The following OR8D1 variants were observed in gnomAD, a reference collection of about 807,000 sequenced individuals.
The protein encoded by OR8D1 is olfactory receptor 8D1.
For missense variants in OR8D1, 384 were observed against 366.8 expected, an observed-to-expected ratio of 1.05 and a Z score of -0.38; for synonymous variants, 143 against 147.0, an observed-to-expected ratio of 0.97 and a Z score of 0.20.
In OR8D1 at chr11:124,306,078, T is replaced by C. The variant is rs1862366793; in HGVS notation, c.*3762A>G. ...TTAACTCAATTCATTATTTTGTTAC[T>C]GTCAATATATTTATAGCTCTGCCTT... On this transcript the variant is annotated 3_prime_UTR_variant, in exon 3 of 3. Transcript: ENST00000641015. 1 of 151,920 alleles carries C rather than the reference T, an allele frequency of 6.6e-6. No homozygotes were observed. The highest frequency in any genetic ancestry group is 1.9e-4 in the East Asian group (1 of 5,180). 9.4% of individuals were successfully genotyped at this position (151,920 alleles called of 1,614,324 possible).
chr11:124,312,326 T>C (rs527336124), intron 1 of OR8D1, among the ~76,000 whole-genome samples: 307 of 152,180 alleles, frequency 2.0e-3, no homozygotes, highest in Non-Finnish European at 3.5e-3. Context: ...AATGTTTGTT[T>C]TCAGATTTGG....
chr11:124,307,859 G>A lies in OR8D1; in HGVS notation c.*1981C>T, dbSNP rs1862380775. ...TTGTTAAATGTATAAGTTCTGAGCA[G>A]GGCTACAAATACCCATCTTCTAAAT... On this transcript the variant is annotated 3_prime_UTR_variant, in exon 3 of 3. Transcript: ENST00000641015. 1 of 151,984 alleles carries A rather than the reference G, an allele frequency of 6.6e-6. No homozygotes were observed. Among genetic ancestry groups the A allele is most frequent in the African/African-American group, 2.4e-5 (1 of 41,390 alleles). 9.4% of individuals were successfully genotyped at this position (151,984 alleles called of 1,614,324 possible). A position where few individuals can be genotyped will look rare whatever the true frequency, so the allele number is the denominator to read the frequency against.
rs144278856 is a variant in OR8D1, at chr11:124,309,866, A to G, written c.901T>C (p.Leu301=). Residue 301 remains leucine (L), a synonymous_variant, in exon 3 of 3, where the codon TTA becomes CTA. Transcript: ENST00000641015. ...SLRNKDVKKA[L]RKVLVGK ...CATTTTCCTACTAAGACCTTCCTTA[A>G]TGCTTTCTTCACATCCTTATTCCTC... 15 of 1,474,252 alleles carry G rather than the reference A, an allele frequency of 1.0e-5. No homozygotes were observed. The African/African-American group carries it at 1.8e-4, about 18-fold the overall frequency. 91.3% of individuals were successfully genotyped at this position (1,474,252 alleles called of 1,614,324 possible). A position where few individuals can be genotyped will look rare whatever the true frequency, so the allele number is the denominator to read the frequency against.
rs981027589 is a variant in OR8D1, at chr11:124,305,358, C to T, written c.*4482G>A. On this transcript the variant is annotated 3_prime_UTR_variant, in exon 3 of 3. Coordinates refer to ENST00000641015, the MANE Select transcript of OR8D1 (RefSeq NM_001002917.2). Reference sequence around the variant, plus strand: ...TGTATGGCCTTATAAACACAAAATTCTTGGAAATGCTAATAATCTACAATG... The same window carrying T: ...TGTATGGCCTTATAAACACAAAATTTTTGGAAATGCTAATAATCTACAATG... 2 of 151,602 alleles carry T rather than the reference C, an allele frequency of 1.3e-5. No homozygotes were observed. The highest frequency in any genetic ancestry group is 6.6e-5 in the Admixed American group (1 of 15,172). The allele number at this position is 151,602 out of a possible 1,614,324, so 9.4% of individuals were successfully genotyped here.
chr11:124,309,972 A>C lies in OR8D1; in HGVS notation c.795T>G (p.Ser265Arg), dbSNP rs746665873. The change falls in exon 3 of 3, where the codon AGT becomes AGG. Residue 265 changes from serine to arginine, a missense_variant. Physicochemically the swap from Ser to Arg is moderately radical, Grantham distance 110. Coordinates refer to ENST00000641015, the MANE Select transcript of OR8D1 (RefSeq NM_001002917.2). ...ITFMYFKPPS[S>R]NSLDQEKVSS... ...ACACCTTCTCCTGGTCCAGGGAGTT[A>C]CTTGAAGGGGGCTTGAAATACATGA... is the stretch of plus-strand genomic sequence containing the variant. 2.5e-6 allele frequency: 4 copies of C among 1,571,700 alleles called. No individual in the cohort carries two copies. In the East Asian group the frequency reaches 9.0e-5, roughly 35 times the overall value.
intron 2 of OR8D1, among the ~76,000 whole-genome samples, chr11:124,311,281 T>C (rs1486235848): frequency 6.6e-6 from 1 of 152,072 alleles, no homozygotes; most frequent in East Asian, 1.9e-4. Flanking sequence ...GTGTAAGGCA[T>C]CTACTCATTA....
chr11:124,310,011 A>G lies in OR8D1; in HGVS notation c.756T>C (p.Phe252=). The G allele has an allele frequency of 6.2e-7, 1 of 1,601,400 alleles. No individual in the cohort carries two copies. The highest frequency in any genetic ancestry group is 1.1e-5 in the South Asian group (1 of 89,156). ...TGAAATACATGAAGGTAATGGACCC[A>G]AAGAAGATCACCACAGCCATGAGAT... ...SSHLMAVVIF[F]GSITFMYFKP... is the part of the protein sequence containing the mutation. Residue 252 remains phenylalanine, a synonymous_variant, in exon 3 of 3, where the codon TTT becomes TTC. Transcript: ENST00000641015.
In OR8D1 at chr11:124,305,404, G is replaced by T. The variant is rs1862360486; in HGVS notation, c.*4436C>A. On this transcript the variant is annotated 3_prime_UTR_variant, in exon 3 of 3. Transcript: ENST00000641015. ...CAATGACAAAAGTGGATTCATGATT[G>T]CCTAGGAAAGGGTGGAAAAAGGTTG... 1 of 151,702 alleles carries T rather than the reference G, an allele frequency of 6.6e-6. No homozygotes were observed. Among genetic ancestry groups the T allele is most frequent in the South Asian group, 2.1e-4 (1 of 4,820 alleles). 9.4% of individuals were successfully genotyped at this position (151,702 alleles called of 1,614,324 possible).
At chr11:124,312,425 T>G (rs1259634730) in intron 1 of OR8D1, among the ~76,000 whole-genome samples, 1 of 152,102 alleles carries the variant, frequency 6.6e-6, no homozygotes, top group Non-Finnish European at 1.5e-5. Context: ...CATGTGCTTA[T>G]GAGGCCAGGA....
In OR8D1 at chr11:124,306,236, T is replaced by C. The variant is rs1410166818; in HGVS notation, c.*3604A>G. ...TGTCTTACAGAAATTAATACAGTTATCTATATATATTATCATTCTTGTTTA... is the reference window on the plus strand; with the variant it reads ...TGTCTTACAGAAATTAATACAGTTACCTATATATATTATCATTCTTGTTTA... On this transcript the variant is annotated 3_prime_UTR_variant, in exon 3 of 3. Coordinates refer to ENST00000641015, the MANE Select transcript of OR8D1 (RefSeq NM_001002917.2). 1 of 151,426 alleles carries C rather than the reference T, an allele frequency of 6.6e-6. No homozygotes were observed. Among genetic ancestry groups the C allele is most frequent in the African/African-American group, 2.4e-5 (1 of 41,358 alleles). The allele number at this position is 151,426 out of a possible 1,614,324, so 9.4% of individuals were successfully genotyped here.
At position 124,308,836 on chromosome 11, in the gene OR8D1, C is replaced by T. The variant is rs1348404103; in HGVS notation, c.*1004G>A. ...GAATATTCCTGGGAAGAAGAGAAAA[C>T]AGCTGAGGGATGCAGAACAGTAGAG... On this transcript the variant is annotated 3_prime_UTR_variant, in exon 3 of 3. Transcript: ENST00000641015. 1 of 151,994 alleles carries T rather than the reference C, an allele frequency of 6.6e-6. No individual in the cohort carries two copies. Among genetic ancestry groups the T allele is most frequent in the Non-Finnish European group, 1.5e-5 (1 of 68,004 alleles). The allele number at this position is 151,994 out of a possible 1,614,324, so 9.4% of individuals were successfully genotyped here. A position where few individuals can be genotyped will look rare whatever the true frequency, so the allele number is the denominator to read the frequency against.
In OR8D1 at chr11:124,309,448, G is replaced by A. The variant is rs1862397207; in HGVS notation, c.*392C>T. 6.6e-6 allele frequency: 1 copy of A among 151,764 alleles called. No homozygotes were observed. The highest frequency in any genetic ancestry group is 6.6e-5 in the Admixed American group (1 of 15,162). 9.4% of individuals were successfully genotyped at this position (151,764 alleles called of 1,614,324 possible). A position where few individuals can be genotyped will look rare whatever the true frequency, so the allele number is the denominator to read the frequency against. ...TCCCTGAAGAATTAATAGATATCTG[G>A]GATCAGGCTAACATACCTCTTAGCA... On this transcript the variant is annotated 3_prime_UTR_variant, in exon 3 of 3. Transcript: ENST00000641015.
chr11:124,312,276 A>G (rs1862428442), intron 1 of OR8D1, among the ~76,000 whole-genome samples: 1 of 152,162 alleles, frequency 6.6e-6, no homozygotes, highest in South Asian at 2.1e-4. Flanking sequence ...GGTAAGAATA[A>G]CCAAAATGTT....
rs57552127 is a variant in OR8D1, at chr11:124,310,006, G to A, written c.761C>T (p.Ser254Phe). 0.022 allele frequency: 34,420 copies of A among 1,595,636 alleles called. 4,061 individuals are homozygous for A. In the African/African-American group the frequency reaches 0.31, roughly 15 times the overall value. The change falls in exon 3 of 3, where the codon TCC (serine) becomes TTC (phenylalanine). Residue 254 changes from serine (S) to phenylalanine (F), a missense_variant. Ser to Phe is a radical substitution (Grantham distance 155). Transcript: ENST00000641015. ...GGGCTTGAAATACATGAAGGTAATGGACCCAAAGAAGATCACCACAGCCAT... is the reference window on the plus strand; with the variant it reads ...GGGCTTGAAATACATGAAGGTAATGAACCCAAAGAAGATCACCACAGCCAT... Reference protein sequence around the residue: ...HLMAVVIFFGSITFMYFKPPS... With the variant: ...HLMAVVIFFGFITFMYFKPPS...
In OR8D1 at chr11:124,306,468, TG is replaced by T. The variant is rs1862369960; in HGVS notation, c.*3371del. Reference sequence around the variant, plus strand: ...TTTTCTATGGGATATTAATCTTTTTTGTATTAACTTCAAATCACCATTTACG... The same window carrying T: ...TTTTCTATGGGATATTAATCTTTTTTTATTAACTTCAAATCACCATTTACG... On this transcript the variant is annotated 3_prime_UTR_variant, in exon 3 of 3. Transcript: ENST00000641015. The T allele has an allele frequency of 6.6e-6, 1 of 150,746 alleles. No homozygotes were observed. Among genetic ancestry groups the T allele is most frequent in the Non-Finnish European group, 1.5e-5 (1 of 67,652 alleles). 9.3% of individuals were successfully genotyped at this position (150,746 alleles called of 1,614,324 possible).
In OR8D1 at chr11:124,308,846, A is replaced by T. The variant is rs1591409081; in HGVS notation, c.*994T>A. The T allele has an allele frequency of 6.6e-6, 1 of 152,148 alleles. No homozygotes were observed. Among genetic ancestry groups the T allele is most frequent in the East Asian group, 1.9e-4 (1 of 5,184 alleles). The allele number at this position is 152,148 out of a possible 1,614,324, so 9.4% of individuals were successfully genotyped here. ...GGGAAGAAGAGAAAACAGCTGAGGG[A>T]TGCAGAACAGTAGAGGCATCTTATT... On this transcript the variant is annotated 3_prime_UTR_variant, in exon 3 of 3. Coordinates refer to ENST00000641015, the MANE Select transcript of OR8D1 (RefSeq NM_001002917.2).
rs1468857409 is a variant in OR8D1, at chr11:124,305,581, A to G, written c.*4259T>C. On this transcript the variant is annotated 3_prime_UTR_variant, in exon 3 of 3. Transcript: ENST00000641015. Reference sequence around the variant, plus strand: ...AAGGGGGCCTCCAGGAGTGATGCTAATATTCTATATCTTTACCTGGAGAGT... The same window carrying G: ...AAGGGGGCCTCCAGGAGTGATGCTAGTATTCTATATCTTTACCTGGAGAGT... The G allele has an allele frequency of 1.3e-5, 2 of 151,900 alleles. No homozygotes were observed. 9.4% of individuals were successfully genotyped at this position (151,900 alleles called of 1,614,324 possible). A position where few individuals can be genotyped will look rare whatever the true frequency, so the allele number is the denominator to read the frequency against.
At position 124,310,774 on chromosome 11, in the gene OR8D1, T is replaced by C. The variant is rs780359787; in HGVS notation, c.-8A>G. 6.3e-7 allele frequency: 1 copy of C among 1,597,136 alleles called. No homozygotes were observed. Among genetic ancestry groups the C allele is most frequent in the South Asian group, 1.1e-5 (1 of 89,360 alleles). ...ATAATTTTCCATGGTCATTCTTCTT[T>C]AGGCATTTCTGTGAAAATAGAAAGT... is the stretch of plus-strand genomic sequence containing the variant. On this transcript the variant is annotated 5_prime_UTR_variant, in exon 3 of 3. Coordinates refer to ENST00000641015, the MANE Select transcript of OR8D1 (RefSeq NM_001002917.2).
Position 124,310,517 on chromosome 11 carries a change from T to C in OR8D1, c.250A>G (p.Asn84Asp). The change falls in exon 3 of 3, where the codon AAC becomes GAC. Residue 84 changes from asparagine to aspartate, a missense_variant. Asn to Asp is a conservative substitution (Grantham distance 23). Coordinates refer to ENST00000641015, the MANE Select transcript of OR8D1 (RefSeq NM_001002917.2). ...ATTGTATTCTTCTTTCCTAGGAAGTTCACCAGCATTTTGGGAGTAATGACA... is the reference window on the plus strand; with the variant it reads ...ATTGTATTCTTCTTTCCTAGGAAGTCCACCAGCATTTTGGGAGTAATGACA... ...SSVITPKMLV[N>D]FLGKKNTILY... is the part of the protein sequence containing the mutation. 1.2e-6 allele frequency: 2 copies of C among 1,613,784 alleles called. No individual in the cohort carries two copies. Among genetic ancestry groups the C allele is most frequent in the Non-Finnish European group, 1.7e-6 (2 of 1,179,896 alleles).
Sources: gnomAD v4.1 joint callset for allele counts (sites outside exome capture counted in the v4.1 genomes callset) on GRCh38, gnomAD v4.1.1 for gene constraint, MANE v1.5 for transcripts, NCBI Gene and HGNC (gene_info 2026-07-23, HGNC 2026-07-21) for gene names.